EFCAB11: variants seen among roughly 807,000 people sequenced by gnomAD.
The protein encoded by EFCAB11 is EF-hand calcium-binding domain-containing protein 11.
Under a neutral mutation model 23.0 loss-of-function variants are expected in EFCAB11, and 14 were observed. That is an observed-to-expected ratio of 0.61 (90% CI 0.40 to 0.95). The LOEUF is 0.95. EFCAB11 is among the 40% of genes least tolerant of loss of function. EFCAB11 has a pLI of 0.00. For missense variants in EFCAB11, 198 were observed against 195.8 expected (o/e 1.01, Z -0.07); for synonymous variants, 65 against 66.6 (o/e 0.98, Z 0.11).
chr14:89,912,287 A>G (rs1302169496), intron 5 of EFCAB11, among the ~76,000 whole-genome samples: 1 of 152,240 alleles, frequency 6.6e-6, no homozygotes, highest in African/African-American at 2.4e-5. Context: ...AAGGATCTCT[A>G]TTCTAACGTC....
At chr14:89,889,425 T>G (rs1332697384) in intron 5 of EFCAB11, among the ~76,000 whole-genome samples, 2 of 152,194 alleles carry the variant, frequency 1.3e-5, no homozygotes, top group East Asian at 3.8e-4. Flanking sequence ...ATTGTGAGGA[T>G]GAAACGAGTA....
Position 89,862,285 on chromosome 14 carries a change from G to A in EFCAB11, c.411-64961C>T, listed in dbSNP as rs187877371. Among the ~76,000 whole-genome samples, 399 of 152,254 alleles carry A rather than the reference G, an allele frequency of 2.6e-3. 2 individuals are homozygous for A. The highest frequency in any genetic ancestry group is 6.8e-3 in the Middle Eastern group (2 of 294). Reference sequence around the variant, plus strand: ...AGTTATTATTTTAATTTCTTAAACAGTAATAATAGAAACAGATACTAAAAG... The same window carrying A: ...AGTTATTATTTTAATTTCTTAAACAATAATAATAGAAACAGATACTAAAAG... On this transcript the variant is annotated intron_variant, in intron 5 of 5. Transcript: ENST00000316738.
At chr14:89,878,731 A>T (rs894276722) in intron 5 of EFCAB11, among the ~76,000 whole-genome samples, 2 of 152,108 alleles carry the variant, frequency 1.3e-5, no homozygotes, top group Non-Finnish European at 2.9e-5. Flanking sequence ...TAACTTTTTT[A>T]AAAAACTGAC....
chr14:89,797,382 A>G, intron 5 of EFCAB11, 58 bp from the exon 6 acceptor site: 1 of 1,453,574 alleles, frequency 6.9e-7, no homozygotes, highest in Non-Finnish European at 9.5e-7. Context: ...CTATGCACCG[A>G]GAGCACATTA....
Position 89,954,620 on chromosome 14 carries a change from T to C in EFCAB11, c.41A>G (p.Glu14Gly). Residue 14 changes from glutamate to glycine, a missense_variant, in exon 1 of 6, where the codon GAA (glutamate) becomes GGA (glycine). Coordinates refer to ENST00000316738, the MANE Select transcript of EFCAB11 (RefSeq NM_145231.4). ...CTTCCTGTGTTCCGAGGGACTGGCT[T>C]CCCACGTCCGCGACCTGGCTCTGGC... ...SEARARSRTW[E>G]ASPSEHRKWV... 1 of 1,613,590 alleles carries C rather than the reference T, an allele frequency of 6.2e-7. No homozygotes were observed. Among genetic ancestry groups the C allele is most frequent in the Non-Finnish European group, 8.5e-7 (1 of 1,179,956 alleles).
chr14:89,825,156 T>C (rs1395289381), intron 5 of EFCAB11, among the ~76,000 whole-genome samples: 1 of 121,144 alleles, frequency 8.3e-6, no homozygotes, highest in Non-Finnish European at 1.8e-5. Flanking sequence ...TGAAATTGAA[T>C]AACGGAATGA....
chr14:89,837,133 A>C (rs1317116199), intron 5 of EFCAB11: 1 of 455,986 alleles, frequency 2.2e-6, no homozygotes, highest in Admixed American at 2.3e-5. Context: ...ACTTGCTGAA[A>C]ATCCTTAGGC....
At chr14:89,885,874 G>A (rs1447581728) in intron 5 of EFCAB11, among the ~76,000 whole-genome samples, 2 of 137,862 alleles carry the variant, frequency 1.5e-5, no homozygotes, top group Non-Finnish European at 1.7e-5. Context: ...TTGGCTTCTT[G>A]TTTTTTTCTT....
chr14:89,843,233 T>C (rs1447238078), intron 5 of EFCAB11, among the ~76,000 whole-genome samples: 7 of 152,228 alleles, frequency 4.6e-5, no homozygotes, highest in Non-Finnish European at 2.9e-5. Flanking sequence ...ATATAGGTTA[T>C]GTCAACAATA....
chr14:89,834,237 A>G (rs570705468), intron 5 of EFCAB11, among the ~76,000 whole-genome samples: 1 of 151,858 alleles, frequency 6.6e-6, no homozygotes, highest in Non-Finnish European at 1.5e-5. Context: ...TTAGCCGAGC[A>G]TGGTGGCGCG....
intron 5 of EFCAB11, chr14:89,836,492 A>T (rs565056801): frequency 2.2e-6 from 1 of 451,088 alleles, no homozygotes; most frequent in Non-Finnish European, 4.5e-6. Context: ...TTAAGCATGG[A>T]TGTTGGGGGC....
chr14:89,884,636 G>C (rs1486857914), intron 5 of EFCAB11, among the ~76,000 whole-genome samples: 2 of 152,198 alleles, frequency 1.3e-5, no homozygotes, highest in Non-Finnish European at 2.9e-5. Context: ...AAGATGACTT[G>C]ATTGCATGCC....
intron 3 of EFCAB11, among the ~76,000 whole-genome samples, chr14:89,937,805 T>G (rs1890641045): frequency 6.6e-6 from 1 of 152,210 alleles, no homozygotes; most frequent in African/African-American, 2.4e-5. Flanking sequence ...ATTACAGGCA[T>G]GAACCACTGC....
chr14:89,849,827 T>C (rs758122155), intron 5 of EFCAB11, among the ~76,000 whole-genome samples: 3 of 152,222 alleles, frequency 2.0e-5, no homozygotes, highest in Non-Finnish European at 2.9e-5. Context: ...ACCCAAGAGA[T>C]TGACTTTCAA....
At chr14:89,882,994 C>G (rs1888649210) in intron 5 of EFCAB11, among the ~76,000 whole-genome samples, 3 of 152,086 alleles carry the variant, frequency 2.0e-5, no homozygotes, top group Admixed American at 1.3e-4. Flanking sequence ...GGCGCCTCCC[C>G]ACTCTTTCTT....
intron 5 of EFCAB11, among the ~76,000 whole-genome samples, chr14:89,882,852 A>G (rs1271861115): frequency 6.6e-6 from 1 of 152,132 alleles, no homozygotes; most frequent in East Asian, 1.9e-4. Context: ...GTGGGGCCCA[A>G]TGGGAGGTGT....
intron 5 of EFCAB11, among the ~76,000 whole-genome samples, chr14:89,862,844 C>G (rs1566788123): frequency 6.6e-6 from 1 of 152,134 alleles, no homozygotes; most frequent in Non-Finnish European, 1.5e-5. Context: ...AAAGTTAGCT[C>G]TGAGTTAGGT....
chr14:89,856,857 C>A (rs915253722), intron 5 of EFCAB11, among the ~76,000 whole-genome samples: 1 of 152,158 alleles, frequency 6.6e-6, no homozygotes, highest in Non-Finnish European at 1.5e-5. Context: ...ATATGGTTTG[C>A]AAAAGCCAGC....
intron 5 of EFCAB11, among the ~76,000 whole-genome samples, chr14:89,881,923 T>G (rs1207575652): frequency 6.6e-6 from 1 of 152,164 alleles, no homozygotes; most frequent in Non-Finnish European, 1.5e-5. Context: ...GCATTAAACA[T>G]AGGAGCATGT....
Sources: allele counts gnomAD v4.1 joint callset (sites outside exome capture counted in the v4.1 genomes callset), GRCh38; gene constraint gnomAD v4.1.1; transcripts MANE v1.5; gene names NCBI Gene and HGNC (gene_info 2026-07-23, HGNC 2026-07-21).